Variants in SLC26A8 observed in about 807,000 individuals in gnomAD.
The protein encoded by SLC26A8 is testis anion transporter 1.
Under a neutral mutation model 105.0 loss-of-function variants are expected in SLC26A8, and 70 were observed. That is an observed-to-expected ratio of 0.67 (90% CI 0.55 to 0.81). The LOEUF (loss-of-function observed/expected upper bound fraction) is 0.81. Among genes scored for constraint, SLC26A8 ranks in the 40% least tolerant of loss-of-function variants. The probability of loss-of-function intolerance (pLI) is 0.00; values close to 1 mark genes in which losing one functional copy is unlikely to be tolerated. For synonymous variants in SLC26A8, 415 were observed against 438.3 expected (o/e 0.95, Z 0.66); for missense variants, 998 against 1,181.8 (o/e 0.84, Z 2.28).
chr6:35,976,438 G>T (rs563781434), intron 9 of SLC26A8, among the ~76,000 whole-genome samples: 1 of 150,546 alleles, frequency 6.6e-6, no homozygotes. Context: ...AAAAAAAAAA[G>T]GTCAAATTGG....
At chr6:35,958,725 G>A (rs888897605) in intron 16 of SLC26A8, among the ~76,000 whole-genome samples, 4 of 152,176 alleles carry the variant, frequency 2.6e-5, no homozygotes, top group Non-Finnish European at 4.4e-5. Flanking sequence ...ATTTGTGTGT[G>A]TGTGTTGCGG....
chr6:35,996,243 TCTTTA>T (rs1455040837), intron 5 of SLC26A8, among the ~76,000 whole-genome samples: 3 of 152,238 alleles, frequency 2.0e-5, no homozygotes, highest in Admixed American at 1.3e-4. Context: ...ACCCAATAAA[TCTTTA>T]CTTAGTGAAA....
chr6:35,997,595 C>T, intron 5 of SLC26A8, 143 bp downstream of exon 5: 2 of 800,574 alleles, frequency 2.5e-6, no homozygotes, highest in Non-Finnish European at 3.8e-6. Context: ...ACACGCTATT[C>T]ACACAGCCTC....
chr6:35,971,638 A>C (rs1274159134), intron 10 of SLC26A8, among the ~76,000 whole-genome samples: 1 of 152,226 alleles, frequency 6.6e-6, no homozygotes. Context: ...GATGAAGACT[A>C]GAACCTCAGA....
intron 5 of SLC26A8, among the ~76,000 whole-genome samples, chr6:35,993,944 G>A (rs1055000645): frequency 1.3e-5 from 2 of 152,022 alleles, no homozygotes; most frequent in Non-Finnish European, 2.9e-5. Context: ...AAGCAGGGTG[G>A]AAAGGAGCAA....
At chr6:36,009,748 TGTGGTGGTGAAAGTG>T (rs2127367289) in intron 3 of SLC26A8, among the ~76,000 whole-genome samples, 1 of 152,286 alleles carries the variant, frequency 6.6e-6, no homozygotes, top group South Asian at 2.1e-4. Context: ...GAGGAATCTT[TGTGGTGGTGAAAGTG>T]TTCTCTATCT....
chr6:35,952,135 G>A (rs1771900437), intron 17 of SLC26A8, among the ~76,000 whole-genome samples: 1 of 152,192 alleles, frequency 6.6e-6, no homozygotes, highest in African/African-American at 2.4e-5. Flanking sequence ...CTAGCATAGA[G>A]ACAGGCACAG....
rs147340546 is a variant in SLC26A8 at position 35,944,295 on chromosome 6, G to T, written c.2518C>A (p.Gln840Lys). Residue 840 changes from glutamine to lysine, a missense_variant, in exon 20 of 20, where the codon CAA (glutamine) becomes AAA (lysine). Coordinates refer to ENST00000490799, the MANE Select transcript of SLC26A8 (RefSeq NM_052961.4). Reference protein sequence around the residue: ...YKMSSSFLGSQKNVSPGFIKI... With the variant: ...YKMSSSFLGSKKNVSPGFIKI... ...ATGAAGCCTGGACTTACATTTTTTT[G>T]GCTTCCTAGAAAACTGCTGCTCATT... 176 of 1,613,510 alleles carry T rather than the reference G, an allele frequency of 1.1e-4. No homozygotes were observed. Among genetic ancestry groups the T allele is most frequent in the Non-Finnish European group, 1.4e-4 (162 of 1,179,898 alleles).
chr6:35,973,221 T>C (rs6924359), intron 10 of SLC26A8, among the ~76,000 whole-genome samples: 2 of 151,972 alleles, frequency 1.3e-5, no homozygotes, highest in African/African-American at 4.8e-5. Flanking sequence ...CTCTGGAATC[T>C]CCATTTCCAT....
In SLC26A8 at chr6:35,951,437, A is replaced by G. The variant is rs1180823720; in HGVS notation, c.2287+8T>C. On this transcript the variant is annotated splice_region_variant and intron_variant, in intron 18 of 19. Coordinates refer to ENST00000490799, the MANE Select transcript of SLC26A8 (RefSeq NM_052961.4). ...AAACAGCCCTCTCATAGGGTGAAGG[A>G]TACTCACAGTGACACCCTGCAATGA... 6.2e-7 allele frequency: 1 copy of G among 1,614,128 alleles called. No homozygotes were observed. The highest frequency in any genetic ancestry group is 8.5e-7 in the Non-Finnish European group (1 of 1,180,012).
intron 11 of SLC26A8, among the ~76,000 whole-genome samples, chr6:35,965,674 C>A (rs1370921948): frequency 1.5e-5 from 2 of 131,098 alleles, no homozygotes; most frequent in East Asian, 4.5e-4. Context: ...AAGAGCGAAA[C>A]TCCATCTCAA....
chr6:35,956,107 A>C (rs1412896573), intron 16 of SLC26A8, among the ~76,000 whole-genome samples: 1 of 152,122 alleles, frequency 6.6e-6, no homozygotes, highest in Non-Finnish European at 1.5e-5. Flanking sequence ...AAAATAAATA[A>C]GAATAAAAAT....
In SLC26A8 at chr6:35,951,211, G is replaced by C; in HGVS notation, c.2424C>G (p.Ile808Met). The C allele has an allele frequency of 6.2e-7, 1 of 1,613,220 alleles. No individual in the cohort carries two copies. The highest frequency in any genetic ancestry group is 8.5e-7 in the Non-Finnish European group (1 of 1,179,944). ...CCCGTATCACTGTCTCGGATTCATC[G>C]ATGCTTAACTCAGAGGAGCCTATGA... ...RKVIGSSELS[I>M]DESETVIRET... The change falls in exon 19 of 20, where the codon ATC becomes ATG. Residue 808 changes from isoleucine (I) to methionine (M), a missense_variant. Ile to Met is a conservative substitution (Grantham distance 10). Coordinates refer to ENST00000490799, the MANE Select transcript of SLC26A8 (RefSeq NM_052961.4).
At chr6:36,018,600 C>T (rs1052222038) in intron 2 of SLC26A8, among the ~76,000 whole-genome samples, 8 of 152,060 alleles carry the variant, frequency 5.3e-5, no homozygotes, top group African/African-American at 1.7e-4. Context: ...CACAACATTG[C>T]GAATGTCAAT....
At position 35,957,661 on chromosome 6, in the gene SLC26A8, C is replaced by A. The variant is rs1047754060; in HGVS notation, c.1863+1799G>T. On this transcript the variant is annotated intron_variant, in intron 16 of 19. Coordinates refer to ENST00000490799, the MANE Select transcript of SLC26A8 (RefSeq NM_052961.4). Reference sequence around the variant, plus strand: ...TGCTCTTGTTGCCCAGGCTAGAGTGCAGTGGCACAGATTCTGGCTCACTGA... The same window carrying A: ...TGCTCTTGTTGCCCAGGCTAGAGTGAAGTGGCACAGATTCTGGCTCACTGA... 1.3e-3 allele frequency among the ~76,000 whole-genome samples: 202 copies of A among 149,636 alleles called. 3 individuals are homozygous for A. Among genetic ancestry groups the A allele is most frequent in the Non-Finnish European group, 5.0e-4 (34 of 67,748 alleles).
chr6:35,986,783 T>C lies in SLC26A8; in HGVS notation c.943-4580A>G, dbSNP rs577213193. On this transcript the variant is annotated intron_variant, in intron 7 of 19. Transcript: ENST00000490799. ...TAAGGCTGAATAGTATTCCATTGTATATGTATACCACATTTTTTTAAAAAT... is the reference window on the plus strand; with the variant it reads ...TAAGGCTGAATAGTATTCCATTGTACATGTATACCACATTTTTTTAAAAAT... 9.2e-5 allele frequency among the ~76,000 whole-genome samples: 14 copies of C among 152,350 alleles called. No homozygotes were observed. In the South Asian group the frequency reaches 2.5e-3, roughly 27 times the overall value.
At chr6:36,003,689 T>A (rs1753520280) in intron 3 of SLC26A8, among the ~76,000 whole-genome samples, 1 of 147,996 alleles carries the variant, frequency 6.8e-6, no homozygotes, top group South Asian at 2.1e-4. Flanking sequence ...TGAGACAGAG[T>A]CTCACTCTGT....
intron 11 of SLC26A8, among the ~76,000 whole-genome samples, chr6:35,967,788 C>T (rs574461618): frequency 1.2e-4 from 18 of 152,286 alleles, no homozygotes; most frequent in African/African-American, 4.1e-4. Flanking sequence ...TGAATCCTTA[C>T]TTACGAAGCT....
chr6:35,983,394 T>A (rs1054083540), intron 7 of SLC26A8, among the ~76,000 whole-genome samples: 2 of 152,218 alleles, frequency 1.3e-5, no homozygotes, highest in African/African-American at 4.8e-5. Context: ...ACAACTATTG[T>A]TACATTTTTT....
Sources: gnomAD v4.1 joint callset for allele counts (sites outside exome capture counted in the v4.1 genomes callset) on GRCh38, gnomAD v4.1.1 for gene constraint, MANE v1.5 for transcripts, NCBI Gene and HGNC (gene_info 2026-07-23, HGNC 2026-07-21) for gene names.